FAM149A: variants seen among roughly 807,000 people sequenced by gnomAD.
The protein encoded by FAM149A is family with sequence similarity 149 member A.
In FAM149A, 71 loss-of-function variants were observed where a neutral mutation model predicts 78.2. That is an observed-to-expected ratio of 0.91 (90% CI 0.75 to 1.11). FAM149A has a LOEUF of 1.11. FAM149A is among the 50% of genes least tolerant of loss of function. The pLI is 0.00. For missense variants in FAM149A, 1,036 were observed against 971.0 expected, an observed-to-expected ratio of 1.07 and a Z score of -0.89; for synonymous variants, 446 against 410.5, an observed-to-expected ratio of 1.09 and a Z score of -1.04.
intron 1 of FAM149A, chr4:186,127,530 T>C: frequency 1.0e-6 from 1 of 985,444 alleles, no homozygotes; most frequent in Non-Finnish European, 1.2e-6. Context: ...ACGTTTGTTT[T>C]CTGTCTTACA....
Position 186,144,077 on chromosome 4 carries a change from C to G in FAM149A, c.567-5096C>G, listed in dbSNP as rs1732770708. 1 of 152,188 alleles carries G rather than the reference C, an allele frequency of 6.6e-6. No individual in the cohort carries two copies. Among genetic ancestry groups the G allele is most frequent in the South Asian group, 2.1e-4 (1 of 4,822 alleles). The allele number at this position is 152,188 out of a possible 1,614,324, so 9.4% of individuals were successfully genotyped here. A position where few individuals can be genotyped will look rare whatever the true frequency, so the allele number is the denominator to read the frequency against. On this transcript the variant is annotated intron_variant, in intron 1 of 13. Transcript: ENST00000389354. This position sits in a 1 kb window ranked among gnomAD's most constrained non-coding sequence, Gnocchi z 4.2. ...GCACTAACTGTCATTACTAAAATCCCTGTCGTGGGAAAGGCATGCCTCGTG... is the reference window on the plus strand; with the variant it reads ...GCACTAACTGTCATTACTAAAATCCGTGTCGTGGGAAAGGCATGCCTCGTG...
chr4:186,118,026 C>A, intron 1 of FAM149A: 1 of 985,314 alleles, frequency 1.0e-6, no homozygotes, highest in African/African-American at 1.7e-5. Flanking sequence ...GGATACACAC[C>A]TTGAGTTGAG....
At position 186,167,246 on chromosome 4, in the gene FAM149A, T is replaced by A; in HGVS notation, c.2202T>A (p.Gly734=). 1.2e-6 allele frequency: 2 copies of A among 1,612,896 alleles called. No homozygotes were observed. The highest frequency in any genetic ancestry group is 1.7e-6 in the Non-Finnish European group (2 of 1,178,960). The change falls in exon 13 of 14, where the codon GGT becomes GGA. Residue 734 remains glycine, a synonymous_variant. Coordinates refer to ENST00000389354, the MANE Select transcript of FAM149A (RefSeq NM_001367768.3). ...AATTTGCTGCTCACACATGGACAGG[T>A]CAAAGTATTTTGACAGGTCAGCTTT...
In FAM149A at chr4:186,163,560, T is replaced by G; in HGVS notation, c.1816T>G (p.Ser606Ala). The change falls in exon 10 of 14, where the codon TCT (serine) becomes GCT (alanine). Residue 606 changes from serine to alanine, a missense_variant. Coordinates refer to ENST00000389354, the MANE Select transcript of FAM149A (RefSeq NM_001367768.3). ...AACACCAGTGCCCTGGAGGCTGCCT[T>G]CTCTTGCTTCAGATTCACAGAGACT... 2.5e-6 allele frequency: 4 copies of G among 1,614,142 alleles called. No homozygotes were observed. The highest frequency in any genetic ancestry group is 3.4e-6 in the Non-Finnish European group (4 of 1,180,022).
intron 1 of FAM149A, among the ~76,000 whole-genome samples, chr4:186,136,957 TCTCTCTTTCTCTC>T (rs2099323132): frequency 9.6e-6 from 1 of 104,616 alleles, no homozygotes; most frequent in African/African-American, 4.4e-5. Flanking sequence ...TCTCTCTCTC[TCTCTCTTTCTCTC>T]TCTCTTTCTC....
At position 186,157,646 on chromosome 4, in the gene FAM149A, G is replaced by C; in HGVS notation, c.1502G>C (p.Gly501Ala). Residue 501 changes from glycine to alanine, a missense_variant, in exon 8 of 14, where the codon GGA (glycine) becomes GCA (alanine). Physicochemically the swap from Gly to Ala is moderately conservative, Grantham distance 60. Transcript: ENST00000389354. ...CTCGTTCCACACGCTCACGCCGATG[G>C]AGCCAGTGGCCCCCCGTCCGGACAC... The C allele has an allele frequency of 6.2e-7, 1 of 1,614,124 alleles. No homozygotes were observed. Among genetic ancestry groups the C allele is most frequent in the African/African-American group, 1.3e-5 (1 of 75,060 alleles).
At chr4:186,167,411 A>C (rs1482763523) in intron 13 of FAM149A, 149 bp downstream of exon 13, 1 of 759,908 alleles carries the variant, frequency 1.3e-6, no homozygotes, top group Admixed American at 1.9e-5. Flanking sequence ...TGACCTCAGA[A>C]ACCTCGATCA....
chr4:186,134,767 C>T (rs551689691), intron 1 of FAM149A, among the ~76,000 whole-genome samples: 3 of 151,194 alleles, frequency 2.0e-5, no homozygotes, highest in South Asian at 4.2e-4. Context: ...GGATTCTGGT[C>T]CCTGGCCTTC....
At chr4:186,147,033 G>T (rs769005482) in intron 1 of FAM149A, 332 of 948,778 alleles carry the variant, frequency 3.5e-4, no homozygotes, top group Non-Finnish European at 4.0e-4. Flanking sequence ...AAATGCTATG[G>T]GAGGTCCAAA....
intron 1 of FAM149A, among the ~76,000 whole-genome samples, chr4:186,121,358 C>T (rs1411282132): frequency 2.6e-5 from 4 of 152,018 alleles, no homozygotes; most frequent in Non-Finnish European, 5.9e-5. Context: ...CACTAATGTT[C>T]ATGTTTATCT....
intron 1 of FAM149A, chr4:186,132,319 T>C (rs999441938): frequency 2.8e-6 from 2 of 706,644 alleles, no homozygotes; most frequent in Non-Finnish European, 3.5e-6. Flanking sequence ...TAAATAAGAC[T>C]GTGTTATTGA....
rs1733283394 is a variant in FAM149A at position 186,149,240 on chromosome 4, C to T, written c.634C>T (p.His212Tyr). The change falls in exon 2 of 14, where the codon CAT becomes TAT. Residue 212 changes from histidine to tyrosine, a missense_variant. Transcript: ENST00000389354. ...GAGGAGCAAAGATTCTTTACCTACG[C>T]ATTTTACAAGAAATGTGCAGAAAGC... 1.8e-5 allele frequency: 23 copies of T among 1,289,240 alleles called. No individual in the cohort carries two copies. Among genetic ancestry groups the T allele is most frequent in the Non-Finnish European group, 2.1e-5 (21 of 988,662 alleles). 79.9% of individuals were successfully genotyped at this position (1,289,240 alleles called of 1,614,324 possible). A position where few individuals can be genotyped will look rare whatever the true frequency, so the allele number is the denominator to read the frequency against.
In FAM149A at chr4:186,157,612, C is replaced by G. The variant is rs771798679; in HGVS notation, c.1468C>G (p.Pro490Ala). The G allele has an allele frequency of 1.9e-6, 3 of 1,614,182 alleles. No homozygotes were observed. Among genetic ancestry groups the G allele is most frequent in the Non-Finnish European group, 2.5e-6 (3 of 1,179,976 alleles). ...ATTGAAAGTGGCTGGAAACAGATTTCCGCACGTCCTCGTTCCACACGCTCA... is the reference window on the plus strand; with the variant it reads ...ATTGAAAGTGGCTGGAAACAGATTTGCGCACGTCCTCGTTCCACACGCTCA... The change falls in exon 8 of 14, where the codon CCG (proline) becomes GCG (alanine). Residue 490 changes from proline to alanine, a missense_variant. Around this residue, in one of 3 missense-constraint regions of FAM149A, gnomAD observed 716 missense variants for 711.8 expected, o/e 1.01. Transcript: ENST00000389354.
At chr4:186,135,170 A>G (rs1394417617) in intron 1 of FAM149A, among the ~76,000 whole-genome samples, 6 of 152,226 alleles carry the variant, frequency 3.9e-5, no homozygotes, top group African/African-American at 1.4e-4. Flanking sequence ...ACTGAATTCA[A>G]TTCTGACCTG....
intron 1 of FAM149A, chr4:186,126,020 C>T (rs1178220551): frequency 8.1e-6 from 8 of 985,288 alleles, no homozygotes; most frequent in Non-Finnish European, 9.6e-6. Flanking sequence ...CTGCCATCTC[C>T]TTCCTCCCTT....
rs1028890174 is a variant in FAM149A, at chr4:186,149,638, G to A, written c.723G>A (p.Ser241=). The change falls in exon 3 of 14, where the codon TCG becomes TCA. Residue 241 remains serine, a synonymous_variant. Coordinates refer to ENST00000389354, the MANE Select transcript of FAM149A (RefSeq NM_001367768.3). ...GAGCCCACACCTCTTGGTCTGGGTC[G>A]GCCACACAGAGCTCTACCACCGGCT... The A allele has an allele frequency of 3.9e-6, 5 of 1,289,786 alleles. No homozygotes were observed. The African/African-American group carries it at 4.6e-5, about 12-fold the overall frequency. 79.9% of individuals were successfully genotyped at this position (1,289,786 alleles called of 1,614,324 possible). A position where few individuals can be genotyped will look rare whatever the true frequency, so the allele number is the denominator to read the frequency against.
intron 7 of FAM149A, among the ~76,000 whole-genome samples, chr4:186,156,921 A>AGCTATGATCATGCCACT (rs148148966): frequency 1.3e-5 from 2 of 151,824 alleles, no homozygotes; most frequent in African/African-American, 4.8e-5. Context: ...ATTGAAAGTG[A>AGCTATGATCATGCCACT]GCACTCCATC....
intron 1 of FAM149A, among the ~76,000 whole-genome samples, chr4:186,136,978 C>CTT (rs2099323339): frequency 1.8e-5 from 2 of 110,406 alleles, no homozygotes; most frequent in African/African-American, 3.7e-5. Context: ...CTCTCTCTTT[C>CTT]TCTCTCTCTC....
In FAM149A at chr4:186,156,051, CA is replaced by C. The variant is rs777381311; in HGVS notation, c.1284del (p.Lys428AsnfsTer30). ...CAGCTCAGCCCGGTAGGAAATGGCG[CA>C]AACTCGGACTTCCTCCTGTTTCCCC... On this transcript the variant is annotated frameshift_variant, in exon 7 of 14. Coordinates refer to ENST00000389354, the MANE Select transcript of FAM149A (RefSeq NM_001367768.3). LOFTEE classifies it high-confidence loss of function. 1.9e-6 allele frequency: 3 copies of C among 1,613,732 alleles called. No homozygotes were observed. Among genetic ancestry groups the C allele is most frequent in the African/African-American group, 1.3e-5 (1 of 74,904 alleles).
Sources: gnomAD v4.1 joint callset for allele counts (sites outside exome capture counted in the v4.1 genomes callset) on GRCh38, gnomAD v4.1.1 for gene constraint, gnomAD v4.1.1 regional missense constraint, Gnocchi (gnomAD v3.1) non-coding constraint, MANE v1.5 for transcripts, NCBI Gene and HGNC (gene_info 2026-07-23, HGNC 2026-07-21) for gene names.